SPECC1: variants seen among roughly 807,000 people sequenced by gnomAD.
SPECC1 encodes cytospin-B.
SPECC1 carries 62 observed loss-of-function variants against 104.1 expected under a neutral mutation model. That is an observed-to-expected ratio of 0.60 (90% CI 0.49 to 0.74). The LOEUF (loss-of-function observed/expected upper bound fraction) is 0.74. SPECC1 is among the 30% of genes least tolerant of loss of function. The pLI is 0.00. For missense variants in SPECC1, 1,306 were observed against 1,310.5 expected (o/e 1.00, Z 0.05); for synonymous variants, 513 against 501.6 (o/e 1.02, Z -0.30).
At chr17:20,210,189 A>C (rs772287558) in intron 4 of SPECC1, among the ~76,000 whole-genome samples, 3 of 152,208 alleles carry the variant, frequency 2.0e-5, no homozygotes, top group Non-Finnish European at 2.9e-5. Context: ...GGATGCCTTA[A>C]AGGACTTAAG....
At chr17:20,140,624 A>G (rs1391941066) in intron 3 of SPECC1, among the ~76,000 whole-genome samples, 1 of 152,222 alleles carries the variant, frequency 6.6e-6, no homozygotes, top group Non-Finnish European at 1.5e-5. Flanking sequence ...GACAACCCAC[A>G]TGATGGGAGC....
chr17:20,275,118 T>C (rs893373261), intron 12 of SPECC1, among the ~76,000 whole-genome samples: 2 of 152,134 alleles, frequency 1.3e-5, no homozygotes, highest in African/African-American at 2.4e-5. Flanking sequence ...ATATGGTTTC[T>C]TCTCTTTTGA....
chr17:20,045,139 T>G (rs927852308), intron 1 of SPECC1, among the ~76,000 whole-genome samples: 2 of 152,250 alleles, frequency 1.3e-5, no homozygotes, highest in African/African-American at 4.8e-5. Context: ...CTTTCAGATG[T>G]TTTCTGTGCA....
chr17:20,094,261 C>G (rs1194184430), intron 1 of SPECC1, among the ~76,000 whole-genome samples: 1 of 152,102 alleles, frequency 6.6e-6, no homozygotes, highest in East Asian at 1.9e-4. Flanking sequence ...GAAAGGGACC[C>G]TGATGCAACA....
intron 3 of SPECC1, among the ~76,000 whole-genome samples, chr17:20,138,680 T>C (rs1288295671): frequency 6.6e-6 from 1 of 152,224 alleles, no homozygotes; most frequent in Non-Finnish European, 1.5e-5. Flanking sequence ...GTTTCCTCCA[T>C]GTCTTTTCAT....
At chr17:20,308,602 C>G (rs1237052659) in intron 14 of SPECC1, among the ~76,000 whole-genome samples, 2 of 152,058 alleles carry the variant, frequency 1.3e-5, no homozygotes, top group Non-Finnish European at 2.9e-5. Context: ...CTTAAGAAGA[C>G]ATAAAACTTT....
intron 1 of SPECC1, among the ~76,000 whole-genome samples, chr17:20,087,690 G>A (rs2047228951): frequency 6.6e-6 from 1 of 152,162 alleles, no homozygotes; most frequent in South Asian, 2.1e-4. Flanking sequence ...TTATGTGCCA[G>A]GAACACAATG....
intron 3 of SPECC1, 34 bp from the exon 4 acceptor site, chr17:20,204,299 T>A (rs1473965974): frequency 1.3e-6 from 2 of 1,578,742 alleles, no homozygotes; most frequent in South Asian, 2.4e-5. Flanking sequence ...ATGCTTGCTT[T>A]ATTTTTTCAT....
intron 1 of SPECC1, among the ~76,000 whole-genome samples, chr17:20,012,454 G>C (rs919991728): frequency 6.6e-6 from 1 of 151,432 alleles, no homozygotes; most frequent in Non-Finnish European, 1.5e-5. Flanking sequence ...TGTGCTTAAA[G>C]GTTCACAATT....
intron 2 of SPECC1, among the ~76,000 whole-genome samples, chr17:20,100,249 T>G (rs1413212277): frequency 6.6e-6 from 1 of 152,116 alleles, no homozygotes; most frequent in Non-Finnish European, 1.5e-5. Flanking sequence ...CAGAAAGAAA[T>G]GTAGCCCGCC....
chr17:20,218,173 A>G (rs1244227651), intron 4 of SPECC1, among the ~76,000 whole-genome samples: 1 of 152,204 alleles, frequency 6.6e-6, no homozygotes, highest in East Asian at 1.9e-4. Context: ...AGTGTTGTAT[A>G]TATAATACAT....
chr17:20,072,590 C>G (rs1396656209), intron 1 of SPECC1, among the ~76,000 whole-genome samples: 1 of 152,134 alleles, frequency 6.6e-6, no homozygotes, highest in Admixed American at 6.5e-5. Flanking sequence ...GCTGCCGTGC[C>G]AGGCCAGGCC....
Position 20,260,209 on chromosome 17 carries a change from C to A in SPECC1, c.2855C>A (p.Pro952His), listed in dbSNP as rs747242601. 3 of 1,613,776 alleles carry A rather than the reference C, an allele frequency of 1.9e-6. No individual in the cohort carries two copies. The highest frequency in any genetic ancestry group is 2.2e-5 in the East Asian group (1 of 44,866). ...CTAACCAGTGTGGAAAGAAAAGACCCTCTGGCAGCCTTGGCCCGGGAATAC... is the reference window on the plus strand; with the variant it reads ...CTAACCAGTGTGGAAAGAAAAGACCATCTGGCAGCCTTGGCCCGGGAATAC... ...QSKLSVERKD[P>H]LAALAREYGG... Residue 952 changes from proline (P) to histidine (H), a missense_variant, in exon 12 of 15, where the codon CCT becomes CAT. By Grantham distance (77) the Pro-to-His change is moderately conservative (BLOSUM62 -2). This residue lies in a region of SPECC1 where 129 missense variants were observed against 170.6 expected (regional missense o/e 0.76). Coordinates refer to ENST00000395527, the MANE Select transcript of SPECC1 (RefSeq NM_001243439.2).
chr17:20,176,362 A>G (rs1278242266), intron 3 of SPECC1, among the ~76,000 whole-genome samples: 1 of 152,140 alleles, frequency 6.6e-6, no homozygotes, highest in Non-Finnish European at 1.5e-5. Context: ...AGGGTAGGCA[A>G]CATTTCATTT....
At chr17:20,075,726 G>A (rs970791827) in intron 1 of SPECC1, among the ~76,000 whole-genome samples, 9 of 152,056 alleles carry the variant, frequency 5.9e-5, no homozygotes, top group African/African-American at 1.2e-4. Flanking sequence ...CAGGTAGATC[G>A]CTTGAGCTCA....
intron 1 of SPECC1, among the ~76,000 whole-genome samples, chr17:20,096,286 T>C (rs1046939257): frequency 1.2e-4 from 18 of 152,238 alleles, no homozygotes; most frequent in African/African-American, 4.3e-4. Context: ...ATTTTATTGG[T>C]TGACTCTGGC....
At chr17:20,099,610 G>C (rs1209468787) in intron 2 of SPECC1, among the ~76,000 whole-genome samples, 1 of 141,546 alleles carries the variant, frequency 7.1e-6, no homozygotes, top group Admixed American at 7.6e-5. Flanking sequence ...CAGGAGAATT[G>C]CTTGAACCTG....
intron 3 of SPECC1, among the ~76,000 whole-genome samples, chr17:20,175,500 T>A (rs1026029318): frequency 3.0e-4 from 45 of 152,346 alleles, no homozygotes; most frequent in Admixed American, 1.3e-3. Context: ...TTTTAAAACT[T>A]CTATTCATTT....
At chr17:20,212,855 A>G (rs1401032936) in intron 4 of SPECC1, among the ~76,000 whole-genome samples, 5 of 152,230 alleles carry the variant, frequency 3.3e-5, no homozygotes, top group Admixed American at 3.3e-4. Flanking sequence ...AATATGTTTA[A>G]AAAGTAAAGT....
Sources: gnomAD v4.1 joint callset for allele counts (sites outside exome capture counted in the v4.1 genomes callset) on GRCh38, gnomAD v4.1.1 for gene constraint, gnomAD v4.1.1 regional missense constraint, MANE v1.5 for transcripts, NCBI Gene and HGNC (gene_info 2026-07-23, HGNC 2026-07-21) for gene names.